Variants in NALF1 observed in about 807,000 individuals in gnomAD.
The protein encoded by NALF1 is NALCN channel auxiliary factor 1.
A neutral mutation model predicts 48.4 loss-of-function variants in NALF1; 3 were observed. That is an observed-to-expected ratio of 0.06 (90% CI 0.03 to 0.16). NALF1 has a LOEUF of 0.16. Ranked by LOEUF, NALF1 falls within the 10% of genes least tolerant of loss-of-function variation. The pLI is 1.00. For missense variants in NALF1, 526 were observed against 571.5 expected (o/e 0.92, Z 0.81); for synonymous variants, 262 against 245.7 (o/e 1.07, Z -0.62).
At chr13:107,449,176 G>A (rs1179838073) in intron 1 of NALF1, among the ~76,000 whole-genome samples, 2 of 152,204 alleles carry the variant, frequency 1.3e-5, no homozygotes, top group Middle Eastern at 3.4e-3. Flanking sequence ...CCCAGGAGGC[G>A]GAGGTTGCAG....
chr13:107,278,845 G>A (rs1383940063), intron 1 of NALF1, among the ~76,000 whole-genome samples: 3 of 151,950 alleles, frequency 2.0e-5, no homozygotes, highest in Admixed American at 1.3e-4. Flanking sequence ...CAATACATTG[G>A]AATTTGTTAT....
chr13:107,609,191 C>A (rs1879155731), intron 1 of NALF1, among the ~76,000 whole-genome samples: 1 of 152,220 alleles, frequency 6.6e-6, no homozygotes, highest in Non-Finnish European at 1.5e-5. Context: ...CTATCCTGGG[C>A]TAGAAGGCCA....
chr13:107,537,774 T>G (rs892225679), intron 1 of NALF1, among the ~76,000 whole-genome samples: 3 of 152,066 alleles, frequency 2.0e-5, no homozygotes, highest in Admixed American at 1.3e-4. Context: ...TCCCAGCACT[T>G]TGGGAGGCTG....
At chr13:107,562,824 G>C (rs531119884) in intron 1 of NALF1, among the ~76,000 whole-genome samples, 1 of 152,282 alleles carries the variant, frequency 6.6e-6, no homozygotes, top group African/African-American at 2.4e-5. Flanking sequence ...AGGAGTGAGT[G>C]CTATGAGTGC....
intron 1 of NALF1, among the ~76,000 whole-genome samples, chr13:107,475,040 T>C (rs1184892973): frequency 6.6e-6 from 1 of 152,092 alleles, no homozygotes; most frequent in Non-Finnish European, 1.5e-5. Context: ...TATCTAAACT[T>C]GCTACCACCC....
intron 1 of NALF1, among the ~76,000 whole-genome samples, chr13:107,240,540 CTG>C (rs1880445644): frequency 6.6e-6 from 1 of 152,128 alleles, no homozygotes; most frequent in South Asian, 2.1e-4. Flanking sequence ...TGTATAATAA[CTG>C]AGAAAACTGA....
chr13:107,843,161 T>C (rs1300415514), intron 1 of NALF1, among the ~76,000 whole-genome samples: 2 of 152,216 alleles, frequency 1.3e-5, no homozygotes, highest in Non-Finnish European at 2.9e-5. Flanking sequence ...CAAACACTTC[T>C]ATGATACTTA....
intron 1 of NALF1, among the ~76,000 whole-genome samples, chr13:107,406,084 G>A (rs143664957): frequency 7.2e-5 from 11 of 151,998 alleles, no homozygotes; most frequent in South Asian, 2.1e-4. Flanking sequence ...GACTGACAAG[G>A]CTATCCAACC....
At chr13:107,858,475 G>A (rs369037596) in intron 1 of NALF1, among the ~76,000 whole-genome samples, 21 of 152,138 alleles carry the variant, frequency 1.4e-4, no homozygotes, top group African/African-American at 2.2e-4. Flanking sequence ...AGCATCACCC[G>A]AGGTGGAGAG....
rs1050117990 is a variant in NALF1 at position 107,167,190 on chromosome 13, C to T, written c.*3307G>A. ...CAAATATTGTTTTCTTGGTTTTCAA[C>T]TTGCTTGCAGAAATAATTATTTTAA... On this transcript the variant is annotated 3_prime_UTR_variant, in exon 3 of 3. Coordinates refer to ENST00000375915, the MANE Select transcript of NALF1 (RefSeq NM_001080396.3). The T allele has an allele frequency of 5.9e-5, 9 of 152,120 alleles. No individual in the cohort carries two copies. Among genetic ancestry groups the T allele is most frequent in the Middle Eastern group, 3.2e-3 (1 of 316 alleles). The allele number at this position is 152,120 out of a possible 1,614,324, so 9.4% of individuals were successfully genotyped here. A position where few individuals can be genotyped will look rare whatever the true frequency, so the allele number is the denominator to read the frequency against.
intron 1 of NALF1, among the ~76,000 whole-genome samples, chr13:107,759,254 G>C (rs1877199595): frequency 6.6e-6 from 1 of 152,106 alleles, no homozygotes; most frequent in Admixed American, 6.5e-5. Flanking sequence ...TGTCACCCAG[G>C]CTGGAGTGCA....
chr13:107,291,932 C>G (rs927547152), intron 1 of NALF1, among the ~76,000 whole-genome samples: 11 of 152,130 alleles, frequency 7.2e-5, no homozygotes, highest in African/African-American at 2.4e-4. Context: ...TTACATAATT[C>G]AGGAAGAACA....
chr13:107,406,153 C>A (rs1363252252), intron 1 of NALF1, among the ~76,000 whole-genome samples: 2 of 151,964 alleles, frequency 1.3e-5, no homozygotes, highest in Non-Finnish European at 2.9e-5. Context: ...TCACACACTT[C>A]CTTTGTGAAG....
chr13:107,770,235 G>A (rs550050353), intron 1 of NALF1, among the ~76,000 whole-genome samples: 40 of 152,142 alleles, frequency 2.6e-4, no homozygotes, highest in Non-Finnish European at 5.6e-4. Flanking sequence ...TTATAATAAT[G>A]ATAATCTCCA....
chr13:107,767,536 G>A (rs571989380), intron 1 of NALF1, among the ~76,000 whole-genome samples: 199 of 152,298 alleles, frequency 1.3e-3, no homozygotes, highest in Non-Finnish European at 2.3e-3. Flanking sequence ...ATTAGAAGAC[G>A]ACTGTATACC....
At chr13:107,416,778 TC>T (rs1304528764) in intron 1 of NALF1, among the ~76,000 whole-genome samples, 1 of 152,154 alleles carries the variant, frequency 6.6e-6, no homozygotes, top group Non-Finnish European at 1.5e-5. Flanking sequence ...TATTGTATCC[TC>T]CTCCCAAATA....
chr13:107,819,689 C>T (rs1471184413), intron 1 of NALF1, among the ~76,000 whole-genome samples: 2 of 146,206 alleles, frequency 1.4e-5, no homozygotes, highest in African/African-American at 5.0e-5. Flanking sequence ...GAAATTCTCT[C>T]TCTCTCTCTC....
intron 1 of NALF1, among the ~76,000 whole-genome samples, chr13:107,433,279 G>A (rs1416907352): frequency 6.6e-6 from 1 of 152,138 alleles, no homozygotes; most frequent in Non-Finnish European, 1.5e-5. Flanking sequence ...CTGGAAGAGA[G>A]ACCAGTTGCC....
At chr13:107,805,301 T>G (rs2138600902) in intron 1 of NALF1, among the ~76,000 whole-genome samples, 1 of 152,294 alleles carries the variant, frequency 6.6e-6, no homozygotes, top group South Asian at 2.1e-4. Context: ...TCTCCTTAAA[T>G]TTGCATATAT....
Sources: gnomAD v4.1 joint callset for allele counts (sites outside exome capture counted in the v4.1 genomes callset) on GRCh38, gnomAD v4.1.1 for gene constraint, MANE v1.5 for transcripts, NCBI Gene and HGNC (gene_info 2026-07-23, HGNC 2026-07-21) for gene names.